The following MTREX variants were observed in gnomAD, a reference collection of about 807,000 sequenced individuals.
MTREX encodes exosome RNA helicase MTR4.
In MTREX, 76 loss-of-function variants were observed where a neutral mutation model predicts 135.4. The ratio of observed to expected loss-of-function variants is 0.56; its 90% CI spans 0.47 to 0.68. The LOEUF is 0.68. MTREX is among the 30% of genes least tolerant of loss of function. The pLI is 0.00. For synonymous variants in MTREX, 404 were observed against 401.6 expected (o/e 1.01, Z -0.07); for missense variants, 920 against 1,262.1 (o/e 0.73, Z 4.11).
At chr5:55,344,821 G>C (rs1475141534) in intron 9 of MTREX, among the ~76,000 whole-genome samples, 1 of 152,098 alleles carries the variant, frequency 6.6e-6, no homozygotes, top group African/African-American at 2.4e-5. Context: ...TCTTATGCAT[G>C]AATCAGATTT....
intron 22 of MTREX, among the ~76,000 whole-genome samples, chr5:55,408,841 G>A (rs2111609386): frequency 6.6e-6 from 1 of 152,268 alleles, no homozygotes; most frequent in East Asian, 1.9e-4. Context: ...AGTGATAATG[G>A]TGAGATTGAT....
At chr5:55,353,087 TA>T in intron 13 of MTREX, 80 bp from the exon 14 acceptor site, 1 of 789,622 alleles carries the variant, frequency 1.3e-6, no homozygotes, top group Non-Finnish European at 2.0e-6. Context: ...TAAAGATTAA[TA>T]ATGCATTTAC....
intron 16 of MTREX, among the ~76,000 whole-genome samples, chr5:55,367,709 A>G (rs1479648144): frequency 2.0e-5 from 3 of 152,246 alleles, no homozygotes; most frequent in Admixed American, 6.5e-5. Context: ...GTGGAATTGT[A>G]CATTGATTCT....
chr5:55,322,353 C>A lies in MTREX; in HGVS notation c.161C>A (p.Ser54Ter). Residue 54 changes from serine (S) to a stop codon, truncating the protein, a stop_gained, in exon 2 of 27, where the codon TCA becomes TAA. Coordinates refer to ENST00000230640, the MANE Select transcript of MTREX (RefSeq NM_015360.5). LOFTEE classifies it high-confidence loss of function. The part of the protein sequence containing the change: ...AGKRFDGKLQ[S>*]ESTNNGKNKR... Reference sequence around the variant, plus strand: ...AAACGTTTTGATGGTAAATTACAATCAGAATCAACTAATAATGGAAAAAAT... The same window carrying A: ...AAACGTTTTGATGGTAAATTACAATAAGAATCAACTAATAATGGAAAAAAT... The A allele has an allele frequency of 6.2e-7, 1 of 1,603,008 alleles. No homozygotes were observed. The highest frequency in any genetic ancestry group is 1.1e-5 in the South Asian group (1 of 88,520).
chr5:55,387,887 G>C, intron 18 of MTREX, 87 bp from the exon 19 acceptor site: 1 of 1,299,824 alleles, frequency 7.7e-7, no homozygotes. Flanking sequence ...GCTAAATGCT[G>C]AGAAAATAGT....
At chr5:55,414,117 G>A in intron 23 of MTREX, 65 bp from the exon 24 acceptor site, 1 of 1,112,784 alleles carries the variant, frequency 9.0e-7, no homozygotes, top group Non-Finnish European at 1.3e-6. Flanking sequence ...GTTAAAACGG[G>A]TAGTGTGAAA....
chr5:55,374,079 G>A (rs879359462), intron 16 of MTREX, among the ~76,000 whole-genome samples: 7 of 151,842 alleles, frequency 4.6e-5, no homozygotes, highest in East Asian at 1.9e-4. Flanking sequence ...CCAACATGGC[G>A]AAACCCTGTC....
Position 55,347,111 on chromosome 5 carries a change from G to A in MTREX, c.1207G>A (p.Ala403Thr). The A allele has an allele frequency of 6.2e-7, 1 of 1,606,216 alleles. No homozygotes were observed. Among genetic ancestry groups the A allele is most frequent in the Non-Finnish European group, 8.5e-7 (1 of 1,176,466 alleles). The change falls in exon 11 of 27, where the codon GCA becomes ACA. Residue 403 changes from alanine to threonine, a missense_variant. Transcript: ENST00000230640. ...TAGTAAGAAAGATTGTGAAGCCTAT[G>A]CACTTCAAATGACCAAATTAGATTT... ...SFSKKDCEAYALQMTKLDFNT... is the reference protein window; with the variant it reads ...SFSKKDCEAYTLQMTKLDFNT...
chr5:55,420,767 C>G (rs1362054796), intron 25 of MTREX, among the ~76,000 whole-genome samples: 1 of 152,036 alleles, frequency 6.6e-6, no homozygotes, highest in African/African-American at 2.4e-5. Flanking sequence ...TAAAAATGCT[C>G]TAAAATTAGA....
intron 1 of MTREX, among the ~76,000 whole-genome samples, chr5:55,320,507 C>T (rs938646936): frequency 1.3e-5 from 2 of 152,130 alleles, no homozygotes; most frequent in Admixed American, 6.5e-5. Context: ...ATGAGTCACC[C>T]TGCCCAGCCT....
rs531715278 is a variant in MTREX, at chr5:55,362,181, C to T, written c.1659+3483C>T. ...ACTCCAGGCTCAAGTGATCTGCCCACCTTGGCCTCCCAGAGTGCTGGGATT... is the reference window on the plus strand; with the variant it reads ...ACTCCAGGCTCAAGTGATCTGCCCATCTTGGCCTCCCAGAGTGCTGGGATT... On this transcript the variant is annotated intron_variant, in intron 15 of 26. Coordinates refer to ENST00000230640, the MANE Select transcript of MTREX (RefSeq NM_015360.5). Among the ~76,000 whole-genome samples, 58 of 150,436 alleles carry T rather than the reference C, an allele frequency of 3.9e-4. 1 individual carries two copies. In the South Asian group the frequency reaches 0.011, roughly 27 times the overall value.
chr5:55,348,784 A>G (rs1749779144), intron 11 of MTREX, among the ~76,000 whole-genome samples: 1 of 152,254 alleles, frequency 6.6e-6, no homozygotes, highest in Non-Finnish European at 1.5e-5. Context: ...ATACTGATTA[A>G]CAAATATTTA....
chr5:55,342,899 CT>C (rs1749673676), intron 7 of MTREX, among the ~76,000 whole-genome samples: 1 of 152,176 alleles, frequency 6.6e-6, no homozygotes, highest in African/African-American at 2.4e-5. Context: ...TCAAGTCTTT[CT>C]TTCATCTCCA....
At position 55,402,185 on chromosome 5, in the gene MTREX, T is replaced by C. The variant is rs908894060; in HGVS notation, c.2481+1764T>C. ...GCTGTAGCATATACACAATACTGGC[T>C]GCATGCTCAGTGAACACATCTATGC... On this transcript the variant is annotated intron_variant, in intron 21 of 26. Coordinates refer to ENST00000230640, the MANE Select transcript of MTREX (RefSeq NM_015360.5). 3.3e-5 allele frequency among the ~76,000 whole-genome samples: 5 copies of C among 152,348 alleles called. No homozygotes were observed. In the Middle Eastern group the frequency reaches 0.01, roughly 311 times the overall value.
At chr5:55,338,088 G>T (rs551007014) in intron 5 of MTREX, among the ~76,000 whole-genome samples, 12 of 151,952 alleles carry the variant, frequency 7.9e-5, no homozygotes, top group Non-Finnish European at 1.8e-4. Context: ...TATAATCATT[G>T]CTTTAAATTG....
At chr5:55,419,097 A>G (rs1392439044) in intron 25 of MTREX, among the ~76,000 whole-genome samples, 2 of 152,178 alleles carry the variant, frequency 1.3e-5, no homozygotes, top group Non-Finnish European at 2.9e-5. Context: ...CACCTGCTTC[A>G]GCCTCCCAAG....
intron 1 of MTREX, among the ~76,000 whole-genome samples, chr5:55,310,368 G>A (rs962903079): frequency 7.9e-5 from 12 of 152,186 alleles, no homozygotes; most frequent in Admixed American, 6.5e-4. Context: ...CCCACTTTGG[G>A]AGGCGGAGGC....
chr5:55,425,486 A>G lies in MTREX; in HGVS notation c.*714A>G, dbSNP rs142002653. The G allele has an allele frequency of 4.5e-4, 309 of 679,774 alleles. No individual in the cohort carries two copies. In the African/African-American group the frequency reaches 5.1e-3, roughly 11 times the overall value. The allele number at this position is 679,774 out of a possible 1,614,324, so 42.1% of individuals were successfully genotyped here. A position where few individuals can be genotyped will look rare whatever the true frequency, so the allele number is the denominator to read the frequency against. On this transcript the variant is annotated 3_prime_UTR_variant, in exon 27 of 27. Transcript: ENST00000230640. ...TATAAAAAATTAGAGACTAACTGGG[A>G]TTTTTTAAAGATTATTCCAAATTAA...
intron 12 of MTREX, 95 bp downstream of exon 12, chr5:55,349,747 T>C (rs1261324288): frequency 2.8e-6 from 2 of 708,950 alleles, no homozygotes; most frequent in Non-Finnish European, 2.5e-6. Context: ...ATTGCACTTT[T>C]CACACACTGT....
Sources: gnomAD v4.1 joint callset for allele counts (sites outside exome capture counted in the v4.1 genomes callset) on GRCh38, gnomAD v4.1.1 for gene constraint, MANE v1.5 for transcripts, NCBI Gene and HGNC (gene_info 2026-07-23, HGNC 2026-07-21) for gene names.